ZBTB25: variants seen among roughly 807,000 people sequenced by gnomAD.
The protein encoded by ZBTB25 is zinc finger and BTB domain containing 25.
A neutral mutation model predicts 34.2 loss-of-function variants in ZBTB25; 20 were observed. That is an observed-to-expected ratio of 0.58 (90% CI 0.41 to 0.85). The LOEUF (loss-of-function observed/expected upper bound fraction) is 0.85. Ranked by LOEUF, ZBTB25 falls within the 40% of genes least tolerant of loss-of-function variation. The pLI is 0.00. For synonymous variants in ZBTB25, 175 were observed against 186.4 expected (o/e 0.94, Z 0.50); for missense variants, 437 against 521.8 (o/e 0.84, Z 1.58).
In ZBTB25 at chr14:64,481,999, T is replaced by C. The variant is rs1025407714; in HGVS notation, c.*4924A>G. On this transcript the variant is annotated 3_prime_UTR_variant, in exon 3 of 3. Coordinates refer to ENST00000608382, the MANE Select transcript of ZBTB25 (RefSeq NM_006977.5). ...ACTCACAACATCAAGAATGTGCCTGTACAAATAAATGTTAACGAAATTACA... is the reference window on the plus strand; with the variant it reads ...ACTCACAACATCAAGAATGTGCCTGCACAAATAAATGTTAACGAAATTACA... 1.3e-5 allele frequency: 2 copies of C among 152,246 alleles called. No individual in the cohort carries two copies. The highest frequency in any genetic ancestry group is 4.8e-5 in the African/African-American group (2 of 41,468). 9.4% of individuals were successfully genotyped at this position (152,246 alleles called of 1,614,324 possible).
chr14:64,503,317 C>T, intron 1 of ZBTB25: 3 of 985,444 alleles, frequency 3.0e-6, no homozygotes, highest in Non-Finnish European at 3.6e-6. Flanking sequence ...CCGAGGGAGG[C>T]CGCAGGCCTA....
chr14:64,496,074 A>G (rs1354442371), intron 1 of ZBTB25, among the ~76,000 whole-genome samples: 1 of 152,250 alleles, frequency 6.6e-6, no homozygotes, highest in African/African-American at 2.4e-5. Flanking sequence ...AACGAAAGCA[A>G]TTTATTAGAA....
At chr14:64,499,192 T>G (rs1418043529) in intron 1 of ZBTB25, among the ~76,000 whole-genome samples, 1 of 152,232 alleles carries the variant, frequency 6.6e-6, no homozygotes, top group Non-Finnish European at 1.5e-5. Context: ...GTTCAAAGTA[T>G]GGAAATTATG....
chr14:64,449,639 C>T lies in ZBTB25; in HGVS notation c.174-1G>A, dbSNP rs1197082730. On this transcript the variant is annotated splice_acceptor_variant, in intron 2 of 2. Coordinates refer to the ZBTB25 transcript ENST00000555220. LOFTEE classifies it high-confidence loss of function. ...GACCTCAAGGTGGGTGATTTGCTGT[C>T]TGCAAAAAAAGAAAAAAGACGAAAA... 1.2e-5 allele frequency: 20 copies of T among 1,613,356 alleles called. No homozygotes were observed. The highest frequency in any genetic ancestry group is 1.7e-5 in the Non-Finnish European group (20 of 1,179,848).
intron 2 of ZBTB25, chr14:64,461,408 A>C (rs549725041): frequency 6.6e-6 from 1 of 152,310 alleles, no homozygotes; most frequent in East Asian, 1.9e-4. Flanking sequence ...AAATAGGAGC[A>C]CTGTTGGTAC....
intron 2 of ZBTB25, among the ~76,000 whole-genome samples, chr14:64,452,523 G>A (rs985519018): frequency 1.1e-4 from 16 of 152,164 alleles, no homozygotes; most frequent in Admixed American, 6.5e-4. Flanking sequence ...GCTTTGCCCC[G>A]GAGGAAACAG....
intron 2 of ZBTB25, chr14:64,468,026 T>C (rs1489701377): frequency 1.3e-5 from 2 of 156,880 alleles, no homozygotes; most frequent in Non-Finnish European, 2.8e-5. Context: ...TAAGTTATTA[T>C]ATGGAAAATA....
chr14:64,490,208 C>CCA (rs2079030470), intron 2 of ZBTB25, among the ~76,000 whole-genome samples, 153 bp downstream of exon 2: 1 of 90,932 alleles, frequency 1.1e-5, no homozygotes, highest in African/African-American at 6.2e-5. Context: ...ACTCTGTCGC[C>CCA]AAAAAAAAAA....
chr14:64,451,242 G>A (rs528962696), intron 2 of ZBTB25, among the ~76,000 whole-genome samples: 1 of 151,514 alleles, frequency 6.6e-6, no homozygotes, highest in Non-Finnish European at 1.5e-5. Flanking sequence ...GGCTGGTCTC[G>A]AACTCCTGGG....
In ZBTB25 at chr14:64,482,613, A is replaced by C. The variant is rs2078807185; in HGVS notation, c.*4310T>G. 1 of 152,270 alleles carries C rather than the reference A, an allele frequency of 6.6e-6. No individual in the cohort carries two copies. The highest frequency in any genetic ancestry group is 2.4e-5 in the African/African-American group (1 of 41,472). The allele number at this position is 152,270 out of a possible 1,614,324, so 9.4% of individuals were successfully genotyped here. A position where few individuals can be genotyped will look rare whatever the true frequency, so the allele number is the denominator to read the frequency against. ...TAGTATCCTCCTTACTGAAGGCTAAAAAGAAACAGTGATGATTAAATTACA... is the reference window on the plus strand; with the variant it reads ...TAGTATCCTCCTTACTGAAGGCTAACAAGAAACAGTGATGATTAAATTACA... On this transcript the variant is annotated 3_prime_UTR_variant, in exon 3 of 3. Coordinates refer to ENST00000608382, the MANE Select transcript of ZBTB25 (RefSeq NM_006977.5).
chr14:64,449,581 G>A, exon 3 of ZBTB25: 1 of 1,614,192 alleles, frequency 6.2e-7, no homozygotes. Context: ...CCAGAGAGCA[G>A]CACAAGCACC....
In ZBTB25 at chr14:64,482,811, G is replaced by A. The variant is rs185569140; in HGVS notation, c.*4112C>T. Reference sequence around the variant, plus strand: ...TAGGTCTAGCTACAGAATAAATGTCGTTTATATGGTTGATTTTAATCAATA... The same window carrying A: ...TAGGTCTAGCTACAGAATAAATGTCATTTATATGGTTGATTTTAATCAATA... On this transcript the variant is annotated 3_prime_UTR_variant, in exon 3 of 3. Coordinates refer to ENST00000608382, the MANE Select transcript of ZBTB25 (RefSeq NM_006977.5). The A allele has an allele frequency of 4.6e-5, 7 of 152,160 alleles. No homozygotes were observed. Among genetic ancestry groups the A allele is most frequent in the African/African-American group, 4.8e-5 (2 of 41,424 alleles). 9.4% of individuals were successfully genotyped at this position (152,160 alleles called of 1,614,324 possible).
rs575125660 is a variant in ZBTB25 at position 64,502,775 on chromosome 14, T to C, written c.-8+886A>G. On this transcript the variant is annotated intron_variant, in intron 1 of 2. Coordinates refer to ENST00000608382, the MANE Select transcript of ZBTB25 (RefSeq NM_006977.5). ...AGTCTTAGCTATCAAGAGGTGTAGCTAGCTCCAGCTACATCACGCTCTTCA... is the reference window on the plus strand; with the variant it reads ...AGTCTTAGCTATCAAGAGGTGTAGCCAGCTCCAGCTACATCACGCTCTTCA... 13 of 966,416 alleles carry C rather than the reference T, an allele frequency of 1.3e-5. No individual in the cohort carries two copies. The South Asian group carries it at 5.3e-4, about 39-fold the overall frequency. 59.9% of individuals were successfully genotyped at this position (966,416 alleles called of 1,614,324 possible).
Position 64,453,952 on chromosome 14 carries a change from C to T in ZBTB25, c.174-4314G>A, listed in dbSNP as rs1476467613. The T allele has an allele frequency of 1.2e-5, 9 of 779,264 alleles. No homozygotes were observed. In the East Asian group the frequency reaches 1.3e-4, roughly 12 times the overall value. 48.3% of individuals were successfully genotyped at this position (779,264 alleles called of 1,614,324 possible). A position where few individuals can be genotyped will look rare whatever the true frequency, so the allele number is the denominator to read the frequency against. ...GGTCCTCCCAGCCCTGCCAAGTACC[C>T]GTTGCTTCACTTCTCTGGGTGGCAG... On this transcript the variant is annotated intron_variant, in intron 2 of 2. Transcript: ENST00000555220.
At chr14:64,489,668 TG>T (rs2079006760) in intron 2 of ZBTB25, among the ~76,000 whole-genome samples, 1 of 151,550 alleles carries the variant, frequency 6.6e-6, no homozygotes, top group Non-Finnish European at 1.5e-5. Context: ...CCCGAGTAGC[TG>T]GGACTACAGG....
In ZBTB25 at chr14:64,487,415, G is replaced by A. The variant is rs567400540; in HGVS notation, c.816C>T (p.Ser272=). ...SGSLPFGVPA[S]ILESNDLGEV... is the part of the protein sequence containing the mutation. Reference sequence around the variant, plus strand: ...CACCAAGGTCATTACTTTCCAGAATGGAAGCAGGGACACCGAATGGCAGGG... The same window carrying A: ...CACCAAGGTCATTACTTTCCAGAATAGAAGCAGGGACACCGAATGGCAGGG... The change falls in exon 3 of 3, where the codon TCC becomes TCT. Residue 272 remains serine, a synonymous_variant. Transcript: ENST00000608382. 6.2e-7 allele frequency: 1 copy of A among 1,614,214 alleles called. No homozygotes were observed. The highest frequency in any genetic ancestry group is 1.1e-5 in the South Asian group (1 of 91,082).
chr14:64,469,170 A>G, intron 2 of ZBTB25: 1 of 1,614,188 alleles, frequency 6.2e-7, no homozygotes, highest in East Asian at 2.2e-5. Context: ...GACCATCAGC[A>G]GCCAGTACTT....
intron 2 of ZBTB25, chr14:64,468,467 GC>G: frequency 6.2e-7 from 1 of 1,614,084 alleles, no homozygotes; most frequent in Non-Finnish European, 8.5e-7. Flanking sequence ...TAGTCCTGGG[GC>G]TGAAAGGCAG....
At chr14:64,463,959 A>T (rs1171710396) in intron 2 of ZBTB25, among the ~76,000 whole-genome samples, 2 of 152,202 alleles carry the variant, frequency 1.3e-5, no homozygotes, top group African/African-American at 4.8e-5. Flanking sequence ...ACTGGCAACA[A>T]GCAGCGCTAG....
Sources: allele counts gnomAD v4.1 joint callset (sites outside exome capture counted in the v4.1 genomes callset), GRCh38; gene constraint gnomAD v4.1.1; transcripts MANE v1.5; gene names NCBI Gene and HGNC (gene_info 2026-07-23, HGNC 2026-07-21).